Variants in CSMD1 observed in about 807,000 individuals in gnomAD.
The protein encoded by CSMD1 is CUB and Sushi multiple domains 1, also known as CUB and sushi domain-containing protein 1.
In CSMD1, 213 loss-of-function variants were observed where a neutral mutation model predicts 417.5. That is an observed-to-expected ratio of 0.51 (90% CI 0.46 to 0.57). The LOEUF (loss-of-function observed/expected upper bound fraction) is 0.57. Ranked by LOEUF, CSMD1 falls within the 20% of genes least tolerant of loss-of-function variation. The probability of loss-of-function intolerance (pLI) is 0.00; values close to 1 mark genes in which losing one functional copy is unlikely to be tolerated. For synonymous variants in CSMD1, 2,862 were observed against 1,736.8 expected (o/e 1.65, Z -16.11); for missense variants, 6,923 against 4,529.7 (o/e 1.53, Z -15.17).
chr8:3,176,993 G>A (rs1432216716), intron 37 of CSMD1, among the ~76,000 whole-genome samples: 1 of 151,940 alleles, frequency 6.6e-6, no homozygotes, highest in Non-Finnish European at 1.5e-5. Context: ...GCCCAGGCTG[G>A]TCTTGAGCTT....
At chr8:3,265,229 A>C (rs960270460) in intron 26 of CSMD1, among the ~76,000 whole-genome samples, 14 of 152,356 alleles carry the variant, frequency 9.2e-5, no homozygotes, top group Admixed American at 2.0e-4. Context: ...ATAACGAAGA[A>C]ATAATGAAAA....
intron 12 of CSMD1, among the ~76,000 whole-genome samples, chr8:3,468,280 C>T (rs1198899779): frequency 6.6e-6 from 1 of 152,162 alleles, no homozygotes; most frequent in Non-Finnish European, 1.5e-5. Flanking sequence ...CAATGACAGG[C>T]ACAGGGCTTT....
At chr8:4,629,102 T>A (rs551997041) in intron 2 of CSMD1, among the ~76,000 whole-genome samples, 69 of 152,300 alleles carry the variant, frequency 4.5e-4, no homozygotes, top group African/African-American at 1.5e-3. Context: ...CATGTTTGAA[T>A]TTTCAAACAT....
intron 7 of CSMD1, among the ~76,000 whole-genome samples, chr8:3,701,181 G>A (rs910113692): frequency 1.3e-5 from 2 of 152,104 alleles, no homozygotes; most frequent in South Asian, 2.1e-4. Context: ...TAAGCCCGTG[G>A]ATAGGAAGTT....
intron 54 of CSMD1, among the ~76,000 whole-genome samples, chr8:2,992,303 G>A (rs2128948940): frequency 6.6e-6 from 1 of 152,278 alleles, no homozygotes; most frequent in Non-Finnish European, 1.5e-5. Context: ...TTTGTTTTGG[G>A]GTGATGAAAC....
At chr8:4,483,005 T>C (rs1424394154) in intron 2 of CSMD1, among the ~76,000 whole-genome samples, 1 of 152,190 alleles carries the variant, frequency 6.6e-6, no homozygotes, top group East Asian at 1.9e-4. Flanking sequence ...AGTTTAGCAA[T>C]TGATTGGTTT....
chr8:3,610,684 T>C (rs1801848376), intron 8 of CSMD1, among the ~76,000 whole-genome samples: 1 of 152,196 alleles, frequency 6.6e-6, no homozygotes, highest in Non-Finnish European at 1.5e-5. Flanking sequence ...TATCTTACTA[T>C]AATGTTTCTT....
At chr8:4,922,422 A>C (rs1806559823) in intron 1 of CSMD1, among the ~76,000 whole-genome samples, 1 of 152,216 alleles carries the variant, frequency 6.6e-6, no homozygotes, top group Admixed American at 6.5e-5. Flanking sequence ...TTAGAAATTA[A>C]AGGTCAAATG....
intron 20 of CSMD1, among the ~76,000 whole-genome samples, chr8:3,363,217 C>G (rs1412975664): frequency 6.6e-6 from 1 of 152,144 alleles, no homozygotes; most frequent in African/African-American, 2.4e-5. Flanking sequence ...AGAGACCTGC[C>G]TAGGCAATTA....
intron 1 of CSMD1, among the ~76,000 whole-genome samples, chr8:4,774,658 C>T (rs1378443881): frequency 6.6e-6 from 1 of 152,110 alleles, no homozygotes; most frequent in African/African-American, 2.4e-5. Context: ...ATTGTAACCT[C>T]TAATGTTGGA....
intron 6 of CSMD1, among the ~76,000 whole-genome samples, chr8:3,725,105 G>A (rs914462769): frequency 4.6e-5 from 7 of 152,202 alleles, no homozygotes; most frequent in Non-Finnish European, 1.0e-4. Context: ...TTTGGAAGGT[G>A]AGTTTTCAGC....
At chr8:4,042,298 G>A (rs954383504) in intron 3 of CSMD1, among the ~76,000 whole-genome samples, 2 of 152,126 alleles carry the variant, frequency 1.3e-5, no homozygotes, top group African/African-American at 2.4e-5. Context: ...AGTGGGGGTA[G>A]GAGTAATGTT....
intron 26 of CSMD1, among the ~76,000 whole-genome samples, chr8:3,268,828 C>T (rs1436148877): frequency 6.6e-6 from 1 of 152,026 alleles, no homozygotes; most frequent in Non-Finnish European, 1.5e-5. Flanking sequence ...ACAGTGGGGC[C>T]TGAAATGACT....
intron 3 of CSMD1, among the ~76,000 whole-genome samples, chr8:4,333,566 C>G (rs1056183779): frequency 6.6e-6 from 1 of 152,152 alleles, no homozygotes; most frequent in Non-Finnish European, 1.5e-5. Flanking sequence ...CCATGACATG[C>G]AATATGCGTT....
chr8:4,273,171 G>C (rs568453095), intron 3 of CSMD1, among the ~76,000 whole-genome samples: 1 of 152,182 alleles, frequency 6.6e-6, no homozygotes, highest in Admixed American at 6.5e-5. Context: ...TTTTAAAAGA[G>C]ATTTGGATAA....
intron 5 of CSMD1, among the ~76,000 whole-genome samples, chr8:3,888,036 G>A (rs892924449): frequency 1.4e-4 from 21 of 152,052 alleles, no homozygotes; most frequent in South Asian, 4.1e-4. Flanking sequence ...TTAATTAAAC[G>A]TACAAAAGAT....
At chr8:4,629,944 C>G (rs57300388) in intron 2 of CSMD1, among the ~76,000 whole-genome samples, 23 of 152,288 alleles carry the variant, frequency 1.5e-4, no homozygotes, top group African/African-American at 5.1e-4. Context: ...CTCCTTCTCT[C>G]TAGCCAACCG....
chr8:2,996,326 T>A (rs988978417), intron 54 of CSMD1, among the ~76,000 whole-genome samples: 1 of 152,176 alleles, frequency 6.6e-6, no homozygotes, highest in Non-Finnish European at 1.5e-5. Flanking sequence ...CTGAAATATT[T>A]TTTAAAATGA....
intron 52 of CSMD1, among the ~76,000 whole-genome samples, chr8:3,005,223 G>T (rs1265841580): frequency 1.3e-5 from 2 of 152,162 alleles, no homozygotes; most frequent in Non-Finnish European, 2.9e-5. Flanking sequence ...CAGTACCCTG[G>T]GTGGGACCCA....
Sources: gnomAD v4.1 joint callset for allele counts (sites outside exome capture counted in the v4.1 genomes callset) on GRCh38, gnomAD v4.1.1 for gene constraint, MANE v1.5 for transcripts, NCBI Gene and HGNC (gene_info 2026-07-23, HGNC 2026-07-21) for gene names.